The following ZDHHC21 variants were observed in gnomAD, a reference collection of about 807,000 sequenced individuals.
The protein encoded by ZDHHC21 is palmitoyltransferase ZDHHC21.
A neutral mutation model predicts 34.6 loss-of-function variants in ZDHHC21; 15 were observed. The ratio of observed to expected loss-of-function variants is 0.43; its 90% CI spans 0.29 to 0.67. ZDHHC21 has a LOEUF of 0.67. ZDHHC21 is among the 30% of genes least tolerant of loss of function. The pLI is 0.14. For missense variants in ZDHHC21, 344 were observed against 327.7 expected, an observed-to-expected ratio of 1.05 and a Z score of -0.38; for synonymous variants, 142 against 101.8, an observed-to-expected ratio of 1.40 and a Z score of -2.38.
At chr9:14,635,936 T>C (rs1407725192) in intron 8 of ZDHHC21, among the ~76,000 whole-genome samples, 3 of 152,076 alleles carry the variant, frequency 2.0e-5, no homozygotes, top group Non-Finnish European at 4.4e-5. Flanking sequence ...AGAACTCTAA[T>C]GTTACCACTA....
At chr9:14,645,333 T>C (rs1024939384) in intron 7 of ZDHHC21, among the ~76,000 whole-genome samples, 6 of 152,016 alleles carry the variant, frequency 3.9e-5, no homozygotes, top group African/African-American at 1.4e-4. Context: ...AGGAGAAAGA[T>C]GGCACTACAG....
intron 7 of ZDHHC21, among the ~76,000 whole-genome samples, chr9:14,657,068 G>A (rs1045337418): frequency 8.6e-5 from 13 of 151,832 alleles, no homozygotes; most frequent in African/African-American, 3.1e-4. Context: ...CTGTCTAATT[G>A]CCATTAATTT....
the ZDHHC21 span, among the ~76,000 whole-genome samples, chr9:14,590,434 A>G: frequency 1.3e-5 from 2 of 152,198 alleles, no homozygotes; most frequent in Non-Finnish European, 2.9e-5. Context: ...GATAATCACA[A>G]TGAAAACCAC....
intron 7 of ZDHHC21, among the ~76,000 whole-genome samples, chr9:14,648,278 T>C (rs1345804669): frequency 6.6e-6 from 1 of 152,008 alleles, no homozygotes; most frequent in East Asian, 1.9e-4. Flanking sequence ...GCTGGTCTTC[T>C]TGCTATTATC....
intron 7 of ZDHHC21, among the ~76,000 whole-genome samples, chr9:14,645,572 C>T (rs990131815): frequency 3.6e-4 from 54 of 151,888 alleles, no homozygotes; most frequent in Admixed American, 9.2e-4. Flanking sequence ...AAAAACACTA[C>T]TCAAAAATGA....
chr9:14,686,243 TA>T (rs568680761), intron 2 of ZDHHC21, among the ~76,000 whole-genome samples: 2 of 150,334 alleles, frequency 1.3e-5, no homozygotes, highest in African/African-American at 4.9e-5. Context: ...AAGAAGAAAT[TA>T]AAAAAAAGAG....
At chr9:14,601,031 T>TA in the ZDHHC21 span, among the ~76,000 whole-genome samples, 1 of 152,088 alleles carries the variant, frequency 6.6e-6, no homozygotes, top group African/African-American at 2.4e-5. Flanking sequence ...CTGTAAGACC[T>TA]AAAACCATAA....
At chr9:14,682,745 C>G (rs181881173) in intron 2 of ZDHHC21, among the ~76,000 whole-genome samples, 84 of 152,340 alleles carry the variant, frequency 5.5e-4, no homozygotes, top group African/African-American at 2.0e-3. Flanking sequence ...CCCTTCTCAG[C>G]ACCACATCGC....
chr9:14,676,309 C>A (rs1836365959), intron 3 of ZDHHC21, among the ~76,000 whole-genome samples: 1 of 148,054 alleles, frequency 6.8e-6, no homozygotes, highest in East Asian at 2.0e-4. Context: ...AGCCTATATC[C>A]CAGTCTACTT....
chr9:14,632,285 G>C (rs1827507457), intron 8 of ZDHHC21, among the ~76,000 whole-genome samples: 1 of 152,022 alleles, frequency 6.6e-6, no homozygotes, highest in African/African-American at 2.4e-5. Flanking sequence ...ATAAAATAGA[G>C]TTAAGAGTCC....
chr9:14,589,848 T>C, the ZDHHC21 span: 1 of 152,156 alleles, frequency 6.6e-6, no homozygotes, highest in African/African-American at 2.4e-5. Flanking sequence ...TCCAATACTT[T>C]TAAAGGCAAG....
At chr9:14,683,404 AG>A (rs1402258828) in intron 2 of ZDHHC21, among the ~76,000 whole-genome samples, 1 of 152,228 alleles carries the variant, frequency 6.6e-6, no homozygotes, top group African/African-American at 2.4e-5. Context: ...AACTACCATC[AG>A]AGAATACTAT....
intron 2 of ZDHHC21, among the ~76,000 whole-genome samples, chr9:14,688,793 C>G (rs10810219): frequency 6.6e-6 from 1 of 151,924 alleles, no homozygotes. Context: ...ACCCGGGAGG[C>G]GGAGGTTGCA....
At chr9:14,680,387 T>C (rs779133090) in intron 2 of ZDHHC21, among the ~76,000 whole-genome samples, 4 of 151,644 alleles carry the variant, frequency 2.6e-5, no homozygotes, top group African/African-American at 9.6e-5. Flanking sequence ...CCACTTCCCA[T>C]AAAATCAAAT....
intron 5 of ZDHHC21, among the ~76,000 whole-genome samples, chr9:14,662,888 G>C (rs1260408223): frequency 1.3e-5 from 2 of 152,136 alleles, no homozygotes; most frequent in Non-Finnish European, 2.9e-5. Context: ...GTATGGGACA[G>C]GTTAGAGAAG....
chr9:14,671,367 C>T (rs535190690), intron 5 of ZDHHC21, among the ~76,000 whole-genome samples: 12 of 152,124 alleles, frequency 7.9e-5, no homozygotes, highest in African/African-American at 2.9e-4. Flanking sequence ...AAAAACATTA[C>T]TTGAAATTAC....
intron 2 of ZDHHC21, among the ~76,000 whole-genome samples, chr9:14,686,198 T>A (rs1288586175): frequency 6.6e-6 from 1 of 150,942 alleles, no homozygotes; most frequent in Non-Finnish European, 1.5e-5. Context: ...GAACTTAAAG[T>A]ATAATTTAAA....
At chr9:14,683,540 A>G (rs1382867056) in intron 2 of ZDHHC21, 1 of 152,226 alleles carries the variant, frequency 6.6e-6, no homozygotes, top group South Asian at 2.1e-4. Flanking sequence ...ACAGGCTCTG[A>G]AATTGAGGCA....
At chr9:14,590,440 A>G in the ZDHHC21 span, among the ~76,000 whole-genome samples, 3 of 152,176 alleles carry the variant, frequency 2.0e-5, no homozygotes, top group Non-Finnish European at 4.4e-5. Flanking sequence ...CACAATGAAA[A>G]CCACACCAAG....
Sources: allele counts gnomAD v4.1 joint callset (sites outside exome capture counted in the v4.1 genomes callset), GRCh38; gene constraint gnomAD v4.1.1; transcripts MANE v1.5; gene names NCBI Gene and HGNC (gene_info 2026-07-23, HGNC 2026-07-21).